GOLIM4: variants seen among roughly 807,000 people sequenced by gnomAD.
GOLIM4 encodes 130 kDa golgi-localized phosphoprotein.
A neutral mutation model predicts 107.4 loss-of-function variants in GOLIM4; 71 were observed. The ratio of observed to expected loss-of-function variants is 0.66; its 90% CI spans 0.55 to 0.81. GOLIM4 has a LOEUF of 0.81. GOLIM4 is among the 30% of genes least tolerant of loss of function. The pLI is 0.00. For synonymous variants in GOLIM4, 327 were observed against 294.8 expected, an observed-to-expected ratio of 1.11 and a Z score of -1.12; for missense variants, 830 against 826.1, an observed-to-expected ratio of 1.00 and a Z score of -0.06.
At chr3:168,065,182 C>T (rs1413010161) in intron 1 of GOLIM4, among the ~76,000 whole-genome samples, 2 of 152,108 alleles carry the variant, frequency 1.3e-5, no homozygotes, top group African/African-American at 2.4e-5. Context: ...TCACCAATGT[C>T]CTCCTGATGT....
At chr3:168,085,823 G>C (rs1721589086) in intron 1 of GOLIM4, among the ~76,000 whole-genome samples, 1 of 152,006 alleles carries the variant, frequency 6.6e-6, no homozygotes, top group Non-Finnish European at 1.5e-5. Flanking sequence ...TCACATTTCT[G>C]CCTTTTTTTT....
chr3:168,095,274 C>T lies in GOLIM4; in HGVS notation c.12G>A (p.Gly4=), dbSNP rs776023591. The change falls in exon 1 of 16, where the codon GGG becomes GGA. Residue 4 remains glycine (G), a synonymous_variant. Coordinates refer to ENST00000470487, the MANE Select transcript of GOLIM4 (RefSeq NM_014498.5). MGN[G]MCSRKQKRIF... is the part of the protein sequence containing the mutation. ...TCCGCTTCTGCTTTCGGGAGCACAT[C>T]CCGTTTCCCATAGTCCCGCCTGGAC... is the stretch of plus-strand genomic sequence containing the variant. The T allele has an allele frequency of 1.2e-6, 2 of 1,612,640 alleles. No individual in the cohort carries two copies. Among genetic ancestry groups the T allele is most frequent in the South Asian group, 2.2e-5 (2 of 90,978 alleles).
intron 14 of GOLIM4, among the ~76,000 whole-genome samples, chr3:168,012,593 T>C (rs1303576352): frequency 1.4e-5 from 2 of 142,484 alleles, no homozygotes; most frequent in Admixed American, 6.7e-5. Flanking sequence ...ATTGTCAGAT[T>C]CACCAAAGTT....
chr3:168,051,712 G>C (rs78068343), intron 1 of GOLIM4, among the ~76,000 whole-genome samples: 1 of 152,280 alleles, frequency 6.6e-6, no homozygotes, highest in African/African-American at 2.4e-5. Context: ...TGGACAAGCC[G>C]TCGTTATAAC....
chr3:168,045,204 G>GAC (rs1242647685), intron 3 of GOLIM4, among the ~76,000 whole-genome samples: 2 of 152,270 alleles, frequency 1.3e-5, no homozygotes, highest in African/African-American at 4.8e-5. Flanking sequence ...CTTGTCCTGA[G>GAC]ACACAGAGTC....
At chr3:168,035,145 T>A (rs1057216189) in intron 8 of GOLIM4, among the ~76,000 whole-genome samples, 1 of 151,086 alleles carries the variant, frequency 6.6e-6, no homozygotes, top group East Asian at 1.9e-4. Flanking sequence ...TATTAAAAAG[T>A]CAAAAATAAC....
chr3:168,025,243 G>T, intron 12 of GOLIM4, 148 bp from the exon 13 acceptor site: 1 of 637,480 alleles, frequency 1.6e-6, no homozygotes, highest in Admixed American at 3.0e-5. Flanking sequence ...CAAGAATCAA[G>T]CATCACACTG....
At chr3:168,034,885 G>A (rs982526727) in intron 8 of GOLIM4, among the ~76,000 whole-genome samples, 8 of 152,124 alleles carry the variant, frequency 5.3e-5, no homozygotes, top group African/African-American at 1.9e-4. Flanking sequence ...GCTCCTCCTG[G>A]CCTTCCACCA....
chr3:168,019,763 C>T (rs10936551), intron 14 of GOLIM4, among the ~76,000 whole-genome samples: 31,448 of 152,130 alleles, frequency 0.21, 7,394 homozygotes, highest in African/African-American at 0.58. Flanking sequence ...ATATTTCACA[C>T]ATATTTTTTA....
At chr3:168,068,950 C>T (rs1720698195) in intron 1 of GOLIM4, among the ~76,000 whole-genome samples, 2 of 152,008 alleles carry the variant, frequency 1.3e-5, no homozygotes, top group South Asian at 2.1e-4. Context: ...GATTCTCCTG[C>T]CTCAGCCTCC....
intron 14 of GOLIM4, among the ~76,000 whole-genome samples, chr3:168,018,653 T>C (rs906556111): frequency 5.3e-5 from 8 of 152,184 alleles, no homozygotes; most frequent in African/African-American, 9.7e-5. Context: ...CCACAGGACA[T>C]TGGGATGAAA....
At chr3:168,076,087 CAG>C (rs1429349197) in intron 1 of GOLIM4, among the ~76,000 whole-genome samples, 1 of 152,132 alleles carries the variant, frequency 6.6e-6, no homozygotes, top group Non-Finnish European at 1.5e-5. Context: ...TTCTTAAAAA[CAG>C]AGAGACGACA....
chr3:168,072,925 G>A (rs1030189588), intron 1 of GOLIM4, among the ~76,000 whole-genome samples: 4 of 152,138 alleles, frequency 2.6e-5, no homozygotes, highest in Non-Finnish European at 5.9e-5. Flanking sequence ...ACAGTTTCAT[G>A]TATTTTTAGT....
At chr3:168,037,457 C>CAT (rs1718724600) in intron 7 of GOLIM4, among the ~76,000 whole-genome samples, 1 of 151,828 alleles carries the variant, frequency 6.6e-6, no homozygotes, top group Non-Finnish European at 1.5e-5. Flanking sequence ...CACATACACA[C>CAT]ACACACACAC....
chr3:168,048,277 A>G lies in GOLIM4; in HGVS notation c.262+14T>C, dbSNP rs756943297. 1 of 1,267,808 alleles carries G rather than the reference A, an allele frequency of 7.9e-7. No homozygotes were observed. Among genetic ancestry groups the G allele is most frequent in the East Asian group, 2.4e-5 (1 of 42,046 alleles). 78.5% of individuals were successfully genotyped at this position (1,267,808 alleles called of 1,614,324 possible). ...ACTGGAAAAACACAGAACACAAATT[A>G]TGTATTTACTTACCTTCCTTTGCTT... On this transcript the variant is annotated intron_variant, in intron 2 of 15. Transcript: ENST00000470487.
At chr3:168,071,176 G>A (rs1720812083) in intron 1 of GOLIM4, among the ~76,000 whole-genome samples, 1 of 152,162 alleles carries the variant, frequency 6.6e-6, no homozygotes, top group Admixed American at 6.5e-5. Flanking sequence ...TGGCATGCAT[G>A]GAGGAAAGGG....
chr3:168,059,429 G>A (rs1362122138), intron 1 of GOLIM4, among the ~76,000 whole-genome samples: 1 of 152,048 alleles, frequency 6.6e-6, no homozygotes, highest in Admixed American at 6.6e-5. Flanking sequence ...ACATATCTTG[G>A]AAAAGGTTCA....
chr3:168,058,282 T>A (rs983156442), intron 1 of GOLIM4, among the ~76,000 whole-genome samples: 1 of 152,242 alleles, frequency 6.6e-6, no homozygotes, highest in African/African-American at 2.4e-5. Flanking sequence ...AACTGCCTTT[T>A]CTTTTGTGGA....
intron 1 of GOLIM4, among the ~76,000 whole-genome samples, chr3:168,093,709 G>C (rs1722019119): frequency 6.6e-6 from 1 of 152,146 alleles, no homozygotes; most frequent in South Asian, 2.1e-4. Flanking sequence ...GTGAACCTAA[G>C]AGCGTATCAA....
Sources: gnomAD v4.1 joint callset for allele counts (sites outside exome capture counted in the v4.1 genomes callset) on GRCh38, gnomAD v4.1.1 for gene constraint, MANE v1.5 for transcripts, NCBI Gene and HGNC (gene_info 2026-07-23, HGNC 2026-07-21) for gene names.